The following SUSD4 variants were observed in gnomAD, a reference collection of about 807,000 sequenced individuals.
SUSD4 encodes sushi domain-containing protein 4.
A neutral mutation model predicts 50.5 loss-of-function variants in SUSD4; 41 were observed. That is an observed-to-expected ratio of 0.81 (90% CI 0.63 to 1.05). The LOEUF (loss-of-function observed/expected upper bound fraction) is 1.05. SUSD4 is among the 50% of genes least tolerant of loss of function. The pLI, the probability that SUSD4 is intolerant of heterozygous loss-of-function variation, is 0.00. For missense variants in SUSD4, 580 were observed against 634.7 expected (o/e 0.91, Z 0.93); for synonymous variants, 257 against 257.3 (o/e 1.00, Z 0.01).
chr1:223,326,125 A>G (rs1174779274), intron 2 of SUSD4, among the ~76,000 whole-genome samples: 1 of 152,216 alleles, frequency 6.6e-6, no homozygotes, highest in Non-Finnish European at 1.5e-5. Context: ...AGTTACCAAA[A>G]CAGCATGGTA....
Position 223,292,457 on chromosome 1 carries a change from A to T in SUSD4, c.343T>A (p.Ser115Thr). 1.2e-6 allele frequency: 2 copies of T among 1,614,140 alleles called. No individual in the cohort carries two copies. Among genetic ancestry groups the T allele is most frequent in the Non-Finnish European group, 1.7e-6 (2 of 1,180,006 alleles). The change falls in exon 3 of 9, where the codon TCC becomes ACC. Residue 115 changes from serine to threonine, a missense_variant. Coordinates refer to ENST00000366878, the MANE Select transcript of SUSD4 (RefSeq NM_017982.4). ...ACTTTACCTTCTTGCACACAGATGG[A>T]ATTATCACTTGGGATCCAGCCTAGG... is the stretch of plus-strand genomic sequence containing the variant. ...GTLGWIPSDN[S>T]ICVQEDCRIP...
chr1:223,323,792 C>T (rs1666724607), intron 2 of SUSD4, among the ~76,000 whole-genome samples: 1 of 152,104 alleles, frequency 6.6e-6, no homozygotes, highest in East Asian at 1.9e-4. Flanking sequence ...CTCTGGCCCA[C>T]TGCTATGAGG....
intron 2 of SUSD4, among the ~76,000 whole-genome samples, chr1:223,312,848 C>G (rs1186206991): frequency 6.6e-6 from 1 of 152,186 alleles, no homozygotes; most frequent in Non-Finnish European, 1.5e-5. Context: ...CAGCATGTTT[C>G]CTAGGTCATT....
At chr1:223,320,489 CG>C (rs1448871851) in intron 2 of SUSD4, among the ~76,000 whole-genome samples, 1 of 152,070 alleles carries the variant, frequency 6.6e-6, no homozygotes, top group East Asian at 1.9e-4. Flanking sequence ...CTCCGCTTCT[CG>C]GGGTGTTGCA....
intron 4 of SUSD4, among the ~76,000 whole-genome samples, chr1:223,268,028 T>TATATATATATATATATATATATATAC (rs1558197107): frequency 4.6e-5 from 4 of 86,826 alleles, no homozygotes; most frequent in Admixed American, 1.1e-4. Flanking sequence ...TATATATATA[T>TATATATATATATATATATATATATAC]ATATATATAT....
chr1:223,231,506 T>G lies in SUSD4; in HGVS notation c.725-2118A>C, dbSNP rs1659896611. Among the ~76,000 whole-genome samples the G allele has an allele frequency of 6.6e-6, 1 of 152,106 alleles. No homozygotes were observed. Among genetic ancestry groups the G allele is most frequent in the African/African-American group, 2.4e-5 (1 of 41,420 alleles). On this transcript the variant is annotated intron_variant, in intron 5 of 8. Coordinates refer to ENST00000366878, the MANE Select transcript of SUSD4 (RefSeq NM_017982.4). The surrounding 1 kb of genome is among the most constrained non-coding windows in gnomAD (Gnocchi z 4.2). ...TCAGGGTCTCTCCTGGGCTGGCAAATGCAGTCACACAACCCCTTGCATTTC... is the reference window on the plus strand; with the variant it reads ...TCAGGGTCTCTCCTGGGCTGGCAAAGGCAGTCACACAACCCCTTGCATTTC...
chr1:223,234,318 C>G (rs943137858), intron 5 of SUSD4, among the ~76,000 whole-genome samples: 6 of 152,272 alleles, frequency 3.9e-5, no homozygotes, highest in South Asian at 4.1e-4. Context: ...CTATTTCCTC[C>G]TATGCAGATT....
Position 223,227,637 on chromosome 1 carries a change from C to CCAGGAT in SUSD4, c.1012_1017dup (p.Ile338_Leu339dup), listed in dbSNP as rs1659605567. On this transcript the variant is annotated inframe_insertion, in exon 7 of 9. Transcript: ENST00000366878. This position sits in a 1 kb window ranked among gnomAD's most constrained non-coding sequence, Gnocchi z 4.5. ...TTGAACTTGGTCTGGAACATCCTGG[C>CCAGGAT]CAGGATGACGAGCAGCAGCACCAGC... 1.9e-6 allele frequency: 3 copies of CCAGGAT among 1,613,762 alleles called. No individual in the cohort carries two copies. Among genetic ancestry groups the CCAGGAT allele is most frequent in the Non-Finnish European group, 1.7e-6 (2 of 1,179,940 alleles).
chr1:223,364,853 C>T (rs747254757), upstream of SUSD4, among the ~76,000 whole-genome samples: 45 of 152,156 alleles, frequency 3.0e-4, no homozygotes, highest in Non-Finnish European at 5.6e-4. This position sits in a 1 kb window ranked among gnomAD's most constrained non-coding sequence, Gnocchi z 4.5. Context: ...CTCCCCGCTC[C>T]CATCTCCGCC....
rs535780525 is a variant in SUSD4 at position 223,256,265 on chromosome 1, C to T, written c.724+8365G>A. Among the ~76,000 whole-genome samples, 14 of 152,266 alleles carry T rather than the reference C, an allele frequency of 9.2e-5. No individual in the cohort carries two copies. In the East Asian group the frequency reaches 1.4e-3, roughly 15 times the overall value. On this transcript the variant is annotated intron_variant, in intron 5 of 8. Transcript: ENST00000366878. ...CAGGTGGCCGGGCTGGTCTCTCCCA[C>T]GGAAGGCAGTGCAGTACAGGAGAAA...
intron 4 of SUSD4, 48 bp downstream of exon 4, chr1:223,268,454 T>G (rs774493170): frequency 6.4e-7 from 1 of 1,574,120 alleles, no homozygotes; most frequent in East Asian, 2.2e-5. Flanking sequence ...TACAATAAAG[T>G]CCGAGAGAAT....
At chr1:223,264,582 C>G in intron 5 of SUSD4, 48 bp downstream of exon 5, 5 of 1,604,600 alleles carry the variant, frequency 3.1e-6, no homozygotes, top group Non-Finnish European at 4.3e-6. Context: ...TCTTCTTCCT[C>G]CCTTTAATAA....
intron 3 of SUSD4, among the ~76,000 whole-genome samples, chr1:223,290,796 T>C (rs1165722737): frequency 2.0e-5 from 3 of 152,142 alleles, no homozygotes; most frequent in East Asian, 3.9e-4. Context: ...TAGTTATGTA[T>C]AGGGTTGGAA....
At chr1:223,292,747 C>T (rs916763083) in intron 2 of SUSD4, 96 bp from the exon 3 acceptor site, 75 of 1,285,872 alleles carry the variant, frequency 5.8e-5, no homozygotes, top group South Asian at 7.1e-5. Context: ...TGATGTCATA[C>T]GCCTTGGACA....
At chr1:223,237,622 T>C (rs897225387) in intron 5 of SUSD4, among the ~76,000 whole-genome samples, 1 of 151,994 alleles carries the variant, frequency 6.6e-6, no homozygotes, top group African/African-American at 2.4e-5. Flanking sequence ...TTTTCTTTTT[T>C]AGTCAGTTGT....
chr1:223,316,816 C>T (rs956939468), intron 2 of SUSD4, among the ~76,000 whole-genome samples: 7 of 152,256 alleles, frequency 4.6e-5, no homozygotes, highest in African/African-American at 7.2e-5. Flanking sequence ...TGGCCCCCTC[C>T]GCCTCCCTGC....
At chr1:223,258,828 C>A (rs531683608) in intron 5 of SUSD4, among the ~76,000 whole-genome samples, 1 of 152,112 alleles carries the variant, frequency 6.6e-6, no homozygotes. Flanking sequence ...CCCTGAAAAC[C>A]CGGCTGCCTT....
chr1:223,259,386 A>G (rs1661936844), intron 5 of SUSD4, among the ~76,000 whole-genome samples: 1 of 152,182 alleles, frequency 6.6e-6, no homozygotes, highest in South Asian at 2.1e-4. Flanking sequence ...CACTTAGGGC[A>G]ACAGGAATCT....
intron 7 of SUSD4, among the ~76,000 whole-genome samples, chr1:223,225,535 G>A (rs1310059296): frequency 1.3e-5 from 2 of 152,104 alleles, no homozygotes; most frequent in Middle Eastern, 3.4e-3. Flanking sequence ...CTTGCTCCGA[G>A]CCAGACTGCT....
Sources: gnomAD v4.1 joint callset for allele counts (sites outside exome capture counted in the v4.1 genomes callset) on GRCh38, gnomAD v4.1.1 for gene constraint, Gnocchi (gnomAD v3.1) non-coding constraint, MANE v1.5 for transcripts, NCBI Gene and HGNC (gene_info 2026-07-23, HGNC 2026-07-21) for gene names.